ZNF320: variants seen among roughly 807,000 people sequenced by gnomAD.
The protein encoded by ZNF320 is zinc finger protein 320, also known as zinc finger gene 320.
ZNF320 carries 2 observed loss-of-function variants against 6.8 expected under a neutral mutation model. The ratio of observed to expected loss-of-function variants is 0.29; its 90% CI spans 0.12 to 0.93. The LOEUF is 0.93. Ranked by LOEUF, ZNF320 falls within the 40% of genes least tolerant of loss-of-function variation. ZNF320 has a pLI of 0.55. For missense variants in ZNF320, 472 were observed against 611.0 expected (o/e 0.77, Z 2.40); for synonymous variants, 208 against 203.2 (o/e 1.02, Z -0.20).
chr19:52,894,899 AAACAAC>A (rs765468168), intron 1 of ZNF320: 1 of 152,844 alleles, frequency 6.5e-6, no homozygotes, highest in Middle Eastern at 3.1e-3. Context: ...ACAAAAACCA[AAACAAC>A]AACAACAACA....
At chr19:52,865,434 T>TTATATATATATATATATATATATA (rs1555814106) in intron 5 of ZNF320, 1 of 152,784 alleles carries the variant, frequency 6.5e-6, no homozygotes, top group African/African-American at 3.2e-5. Context: ...GGTCCAGGCT[T>TTATATATATATATATATATATATA]TATATATATA....
rs751211351 is a variant in ZNF320, at chr19:52,881,916, G to A, written c.210C>T (p.His70=). 8 of 1,612,236 alleles carry A rather than the reference G, an allele frequency of 5.0e-6. No homozygotes were observed. In the Admixed American group the frequency reaches 8.4e-5, roughly 17 times the overall value. The stretch of plus-strand genomic sequence containing the variant: ...TTGCTTGTCTCTGCAATGTCCCTGT[G>A]TGGATCACTTCTGTATTGCCTTGCC... ...STGQGNTEVI[H]TGTLQRQASY... is the part of the protein sequence containing the mutation. Residue 70 remains histidine (H), a synonymous_variant, in exon 6 of 6, where the codon CAC becomes CAT. Transcript: ENST00000682928.
intron 4 of ZNF320, among the ~76,000 whole-genome samples, chr19:52,889,177 C>T (rs1174241427): frequency 1.4e-5 from 2 of 147,418 alleles, no homozygotes; most frequent in African/African-American, 2.5e-5. Flanking sequence ...AGTGACACTC[C>T]GTCTCAAAAA....
downstream of ZNF320, chr19:52,874,210 TAAG>T (rs904241049): frequency 1.9e-4 from 35 of 185,398 alleles, no homozygotes; most frequent in African/African-American, 7.6e-4. Flanking sequence ...TATGCGGAGA[TAAG>T]AAGGTGCCAC....
upstream of ZNF320, among the ~76,000 whole-genome samples, chr19:52,899,062 T>C (rs1600669484): frequency 6.6e-6 from 1 of 152,258 alleles, no homozygotes; most frequent in Non-Finnish European, 1.5e-5. Flanking sequence ...TTGCTACTTA[T>C]GTCTTTTTGT....
downstream of ZNF320, chr19:52,874,145 C>T (rs769914136): frequency 2.1e-4 from 47 of 226,766 alleles, no homozygotes; most frequent in Non-Finnish European, 3.7e-4. Context: ...AACACACACA[C>T]GGGAGATCTC....
chr19:52,893,667 C>T lies in ZNF320; in HGVS notation c.-192+112G>A, dbSNP rs370424769. 6 of 152,240 alleles carry T rather than the reference C, an allele frequency of 3.9e-5. No homozygotes were observed. The East Asian group carries it at 9.7e-4, about 25-fold the overall frequency. 9.4% of individuals were successfully genotyped at this position (152,240 alleles called of 1,614,324 possible). On this transcript the variant is annotated intron_variant, in intron 2 of 5. Transcript: ENST00000682928. ...TCTCAAAAAAAAATCATGGGCTTAT[C>T]CATTAATGCACTTCTGCACATACTT...
rs1278382645 is a variant in ZNF320 at position 52,876,947 on chromosome 19, G to C, written c.*3649C>G. 6.6e-6 allele frequency: 1 copy of C among 152,032 alleles called. No individual in the cohort carries two copies. The highest frequency in any genetic ancestry group is 2.4e-5 in the African/African-American group (1 of 41,392). 9.4% of individuals were successfully genotyped at this position (152,032 alleles called of 1,614,324 possible). Reference sequence around the variant, plus strand: ...CATGGTGAAAGCCCATCTCTACTAGGAACACAAAAATTTGCCCGGTGCGGT... The same window carrying C: ...CATGGTGAAAGCCCATCTCTACTAGCAACACAAAAATTTGCCCGGTGCGGT... On this transcript the variant is annotated 3_prime_UTR_variant, in exon 6 of 6. Coordinates refer to ENST00000682928, the MANE Select transcript of ZNF320 (RefSeq NM_001351774.2).
At chr19:52,901,175 A>T (rs7256382), upstream of ZNF320, among the ~76,000 whole-genome samples, 74,002 of 151,982 alleles carry the variant, frequency 0.49, 18,495 homozygotes, top group South Asian at 0.54. Flanking sequence ...CATACTTTGG[A>T]TAGAATAGCA....
downstream of ZNF320, among the ~76,000 whole-genome samples, chr19:52,860,607 A>AAAG: frequency 6.6e-6 from 1 of 151,916 alleles, no homozygotes; most frequent in African/African-American, 2.4e-5. Flanking sequence ...CAAAAAAAAA[A>AAAG]AAAGAAAAAG....
At position 52,890,322 on chromosome 19, in the gene ZNF320, G is replaced by A. The variant is rs183978292; in HGVS notation, c.-67C>T. 6 of 1,573,050 alleles carry A rather than the reference G, an allele frequency of 3.8e-6. No individual in the cohort carries two copies. The highest frequency in any genetic ancestry group is 1.7e-4 in the Middle Eastern group (1 of 5,902). ...CCTCAGGTACCAAGAGTCTTTAGAA[G>A]TCAATCCTAAATGTTAGAAATATGT... On this transcript the variant is annotated 5_prime_UTR_variant, in exon 4 of 6. Transcript: ENST00000682928.
At chr19:52,903,322 A>C in the ZNF320 span, among the ~76,000 whole-genome samples, 5 of 152,168 alleles carry the variant, frequency 3.3e-5, no homozygotes, top group Non-Finnish European at 7.4e-5. Context: ...TGTTTAGTCT[A>C]AATTAACTTA....
At chr19:52,875,570 C>T (rs905858115), downstream of ZNF320, among the ~76,000 whole-genome samples, 2 of 152,130 alleles carry the variant, frequency 1.3e-5, no homozygotes, top group Admixed American at 6.6e-5. Context: ...AAAAGCCACA[C>T]ACTATTTGGC....
chr19:52,897,250 G>C (rs1366580933), intron 1 of ZNF320, among the ~76,000 whole-genome samples: 1 of 152,234 alleles, frequency 6.6e-6, no homozygotes. Context: ...AGGATCTTAG[G>C]ACCAGGCAGA....
upstream of ZNF320, among the ~76,000 whole-genome samples, chr19:52,900,523 C>G (rs1401655003): frequency 1.3e-5 from 2 of 152,266 alleles, no homozygotes; most frequent in Non-Finnish European, 2.9e-5. Context: ...CTTGTAGAGA[C>G]TGGGCCTCAT....
chr19:52,885,941 A>G (rs2147842483), intron 5 of ZNF320, among the ~76,000 whole-genome samples: 1 of 152,216 alleles, frequency 6.6e-6, no homozygotes, highest in South Asian at 2.1e-4. Flanking sequence ...AAAAGGACAG[A>G]TACAGAAACT....
At chr19:52,885,555 A>T (rs2064049613) in intron 5 of ZNF320, among the ~76,000 whole-genome samples, 1 of 151,976 alleles carries the variant, frequency 6.6e-6, no homozygotes, top group African/African-American at 2.4e-5. Context: ...TCTGAACTAA[A>T]AATACCAAAA....
chr19:52,866,771 G>A (rs55661447), intron 5 of ZNF320, among the ~76,000 whole-genome samples: 1,546 of 150,496 alleles, frequency 0.01, 34 homozygotes, highest in African/African-American at 0.036. Context: ...TCAGTTGGCC[G>A]AGGCTAGAAA....
chr19:52,883,043 T>C (rs895813739), intron 5 of ZNF320, among the ~76,000 whole-genome samples: 39 of 152,102 alleles, frequency 2.6e-4, no homozygotes, highest in Admixed American at 2.5e-3. Flanking sequence ...AAAAAAATTT[T>C]GTATTTTTAT....
Sources: allele counts gnomAD v4.1 joint callset (sites outside exome capture counted in the v4.1 genomes callset), GRCh38; gene constraint gnomAD v4.1.1; transcripts MANE v1.5; gene names NCBI Gene and HGNC (gene_info 2026-07-23, HGNC 2026-07-21).